Variants in DMD observed in about 807,000 individuals in gnomAD.
The protein encoded by DMD is mutant dystrophin.
DMD carries 63 observed loss-of-function variants against 330.1 expected under a neutral mutation model. The ratio of observed to expected loss-of-function variants is 0.19; its 90% CI spans 0.16 to 0.24. DMD has a LOEUF of 0.24. DMD is among the 10% of genes least tolerant of loss of function. DMD has a pLI of 1.00. For synonymous variants in DMD, 1,223 were observed against 959.8 expected (o/e 1.27, Z -5.07); for missense variants, 3,344 against 2,684.1 (o/e 1.25, Z -5.43).
chrX:32,644,180 T>A lies in DMD; in HGVS notation c.1283A>T (p.Asn428Ile). 1 of 1,210,546 alleles carries A rather than the reference T, an allele frequency of 8.3e-7. No homozygotes were observed. Among genetic ancestry groups the A allele is most frequent in the Non-Finnish European group, 1.1e-6 (1 of 894,557 alleles). The change falls in exon 11 of 79, where the codon AAT becomes ATT. Residue 428 changes from asparagine to isoleucine, a missense_variant. Asn to Ile is a moderately radical substitution (Grantham distance 149). Coordinates refer to ENST00000357033, the MANE Select transcript of DMD (RefSeq NM_004006.3). ...TEVQEQMNLL[N>I]SRWECLRVAS... is the part of the protein sequence containing the mutation. ...TACCCTGAGGCATTCCCATCTTGAA[T>A]TTAGGAGATTCATCTGCTCTTGTAC...
At chrX:33,065,929 T>C (rs1401072837) in intron 1 of DMD, among the ~76,000 whole-genome samples, 1 of 111,236 alleles carries the variant, frequency 9.0e-6, no homozygotes, top group Non-Finnish European at 1.9e-5. Context: ...CAAAACTAAG[T>C]GCAAATGGGC....
At chrX:31,879,358 T>G (rs2094022505) in intron 47 of DMD, among the ~76,000 whole-genome samples, 1 of 110,979 alleles carries the variant, frequency 9.0e-6, no homozygotes, top group African/African-American at 3.3e-5. Context: ...GAGAACAGTA[T>G]GGGGGATCCT....
At chrX:33,103,031 T>A (rs1022234848) in intron 1 of DMD, among the ~76,000 whole-genome samples, 2 of 111,163 alleles carry the variant, frequency 1.8e-5, no homozygotes, top group African/African-American at 6.5e-5. Flanking sequence ...AGGATGGAGA[T>A]CTGAGCAAAA....
intron 44 of DMD, among the ~76,000 whole-genome samples, chrX:32,000,225 T>C (rs1251755977): frequency 8.9e-6 from 1 of 112,051 alleles, no homozygotes; most frequent in African/African-American, 3.2e-5. Flanking sequence ...AGGGCCACAG[T>C]TGCATAGTAC....
chrX:32,895,384 C>T (rs930029158), intron 2 of DMD, among the ~76,000 whole-genome samples: 3 of 112,432 alleles, frequency 2.7e-5, no homozygotes, highest in Admixed American at 9.4e-5. Context: ...CTTTATACTT[C>T]TGGTTCAGTT....
intron 44 of DMD, among the ~76,000 whole-genome samples, chrX:32,061,011 G>A (rs941649844): frequency 3.6e-5 from 4 of 111,217 alleles, no homozygotes; most frequent in Admixed American, 1.9e-4. Flanking sequence ...CACATAGTAA[G>A]CCTTCAATAA....
At chrX:32,743,093 G>C (rs976731882) in intron 7 of DMD, among the ~76,000 whole-genome samples, 1 of 111,136 alleles carries the variant, frequency 9.0e-6, no homozygotes, top group Admixed American at 9.6e-5. Context: ...TTGCCTACTG[G>C]AGTCTGTTCT....
intron 54 of DMD, among the ~76,000 whole-genome samples, chrX:31,652,460 C>T (rs1395057655): frequency 8.9e-6 from 1 of 111,766 alleles, no homozygotes; most frequent in African/African-American, 3.3e-5. Context: ...CTGGGCCTAC[C>T]TAGCACAAAC....
intron 41 of DMD, among the ~76,000 whole-genome samples, chrX:32,330,397 T>C (rs1281548114): frequency 2.7e-5 from 3 of 111,735 alleles, no homozygotes; most frequent in Non-Finnish European, 5.7e-5. Flanking sequence ...TTCCATACAA[T>C]GAGAGTCTTA....
chrX:32,573,200 C>G (rs1222337408), intron 15 of DMD, among the ~76,000 whole-genome samples: 1 of 111,877 alleles, frequency 8.9e-6, no homozygotes, highest in African/African-American at 3.2e-5. Context: ...TGAGAATCAA[C>G]GTCAGTCTAT....
rs191676326 is a variant in DMD, at chrX:32,002,686, A to G, written c.6439-34172T>C. ...GAGCTCTAGGCCTCTGGATAGAAAC[A>G]GAAGAGGTAATCTGTCCTACATGTG... On this transcript the variant is annotated intron_variant, in intron 44 of 78. Coordinates refer to ENST00000357033, the MANE Select transcript of DMD (RefSeq NM_004006.3). 3.9e-3 allele frequency among the ~76,000 whole-genome samples: 439 copies of G among 111,146 alleles called. 3 individuals carry two copies. The highest frequency in any genetic ancestry group is 0.014 in the African/African-American group (420 of 30,627).
intron 62 of DMD, among the ~76,000 whole-genome samples, chrX:31,288,223 C>T (rs1170778134): frequency 2.7e-5 from 3 of 111,222 alleles, no homozygotes; most frequent in Non-Finnish European, 5.7e-5. Flanking sequence ...AGTGTGAACC[C>T]GGAAATCAAT....
intron 1 of DMD, among the ~76,000 whole-genome samples, chrX:33,312,153 G>T (rs2053859492): frequency 9.0e-6 from 1 of 111,051 alleles, no homozygotes. Context: ...GAATAAAAAA[G>T]TAAAAGGATA....
In DMD at chrX:31,891,065, C is replaced by A. The variant is rs2094242162; in HGVS notation, c.6913-15692G>T. Reference sequence around the variant, plus strand: ...AAACATGGCTAACAAAGAAGAAAATCAGTATCCCTGGAACTTTTAACCTTA... The same window carrying A: ...AAACATGGCTAACAAAGAAGAAAATAAGTATCCCTGGAACTTTTAACCTTA... On this transcript the variant is annotated intron_variant, in intron 47 of 78. Coordinates refer to ENST00000357033, the MANE Select transcript of DMD (RefSeq NM_004006.3). Among the ~76,000 whole-genome samples the A allele has an allele frequency of 3.6e-5, 4 of 111,526 alleles. No homozygotes were observed. In the South Asian group the frequency reaches 1.5e-3, roughly 42 times the overall value.
intron 1 of DMD, among the ~76,000 whole-genome samples, chrX:33,283,645 C>T (rs780609090): frequency 2.7e-5 from 3 of 110,456 alleles, no homozygotes; most frequent in East Asian, 5.6e-4. Flanking sequence ...AAAATAGTGC[C>T]GACAATAAAA....
rs1234826611 is a variant in DMD, at chrX:31,119,796, A to AAGAC, written c.*2119_*2122dup. 1 of 111,980 alleles carries AAGAC rather than the reference A, an allele frequency of 8.9e-6. No homozygotes were observed. Among genetic ancestry groups the AAGAC allele is most frequent in the African/African-American group, 3.2e-5 (1 of 30,784 alleles). 9.2% of individuals were successfully genotyped at this position (111,980 alleles called of 1,213,427 possible). A position where few individuals can be genotyped will look rare whatever the true frequency, so the allele number is the denominator to read the frequency against. ...AGCGTCACATAAAGGAAAAAAATGC[A>AAGAC]AGACAAAAACCAAATCTTCATGTAA... On this transcript the variant is annotated 3_prime_UTR_variant, in exon 79 of 79. Transcript: ENST00000357033.
At chrX:32,990,264 A>G (rs1170524059) in intron 2 of DMD, among the ~76,000 whole-genome samples, 3 of 111,861 alleles carry the variant, frequency 2.7e-5, no homozygotes, top group Non-Finnish European at 5.6e-5. Context: ...CTTCTTAGAG[A>G]CCATGCTTTC....
At chrX:33,048,704 A>AAAG (rs1432227231) in intron 1 of DMD, among the ~76,000 whole-genome samples, 16 of 105,657 alleles carry the variant, frequency 1.5e-4, no homozygotes, top group African/African-American at 4.8e-4. Context: ...TAAAAAAAAA[A>AAAG]AAAAAAAAAA....
chrX:33,075,122 G>A (rs1321481441), intron 1 of DMD, among the ~76,000 whole-genome samples: 1 of 111,630 alleles, frequency 9.0e-6, no homozygotes, highest in Non-Finnish European at 1.9e-5. Context: ...CACTATTGTA[G>A]AACTTAAGAT....
Sources: gnomAD v4.1 joint callset for allele counts (sites outside exome capture counted in the v4.1 genomes callset) on GRCh38, gnomAD v4.1.1 for gene constraint, MANE v1.5 for transcripts, NCBI Gene and HGNC (gene_info 2026-07-23, HGNC 2026-07-21) for gene names.